Variants in LRP2 observed in about 807,000 individuals in gnomAD.
The protein encoded by LRP2 is LDL receptor related protein 2, also known as low-density lipoprotein receptor-related protein 2.
In LRP2, 172 loss-of-function variants were observed where a neutral mutation model predicts 531.0. The observed-to-expected ratio is 0.32, with a 90% CI of 0.29 to 0.37. The LOEUF (loss-of-function observed/expected upper bound fraction) is 0.37, where lower values mean the gene tolerates loss of function less well. LRP2 is among the 10% of genes least tolerant of loss of function. The probability of loss-of-function intolerance (pLI) is 1.00; values close to 1 mark genes in which losing one functional copy is unlikely to be tolerated. For missense variants in LRP2, 5,167 were observed against 5,868.3 expected, an observed-to-expected ratio of 0.88 and a Z score of 3.90; for synonymous variants, 1,992 against 2,027.6, an observed-to-expected ratio of 0.98 and a Z score of 0.47.
At chr2:169,141,478 G>C (rs1200293944) in intron 71 of LRP2, among the ~76,000 whole-genome samples, 1 of 152,170 alleles carries the variant, frequency 6.6e-6, no homozygotes, top group Non-Finnish European at 1.5e-5. Context: ...AACAGTGCCT[G>C]GCACATAGCT....
chr2:169,331,085 T>TA (rs1423107135), intron 1 of LRP2, among the ~76,000 whole-genome samples: 1 of 152,038 alleles, frequency 6.6e-6, no homozygotes, highest in Non-Finnish European at 1.5e-5. Flanking sequence ...CGTCCACAGG[T>TA]CTACCCCTTC....
In LRP2 at chr2:169,168,475, G is replaced by A. The variant is rs536387127; in HGVS notation, c.11635+64C>T. ...TGCTCTCCAGGCTCACATGCTACAC[G>A]TAAGAAACAATGAGATTTGACAGAC... On this transcript the variant is annotated intron_variant, in intron 61 of 78. Transcript: ENST00000649046. The A allele has an allele frequency of 3.1e-5, 49 of 1,591,194 alleles. No individual in the cohort carries two copies. The East Asian group carries it at 6.7e-4, about 22-fold the overall frequency.
chr2:169,181,400 T>C, intron 52 of LRP2, 48 bp downstream of exon 52: 1 of 1,577,810 alleles, frequency 6.3e-7, no homozygotes, highest in Non-Finnish European at 8.7e-7. Context: ...GCTCTGATGT[T>C]TGAAATAAAC....
At chr2:169,143,666 CA>C (rs932023351) in intron 70 of LRP2, among the ~76,000 whole-genome samples, 1 of 151,960 alleles carries the variant, frequency 6.6e-6, no homozygotes, top group African/African-American at 2.4e-5. Flanking sequence ...AACAAACAAA[CA>C]AAAAAACCTA....
In LRP2 at chr2:169,156,208, G is replaced by A. The variant is rs1187542620; in HGVS notation, c.12151+66C>T. The A allele has an allele frequency of 1.6e-5, 25 of 1,597,668 alleles. No homozygotes were observed. The East Asian group carries it at 3.8e-4, about 24-fold the overall frequency. On this transcript the variant is annotated intron_variant, in intron 65 of 78. Transcript: ENST00000649046. ...ATGAGAAGCTGAAGTTTCTTTCATC[G>A]TATAGTGTACTTAGCAGTATTTATT... is the stretch of plus-strand genomic sequence containing the variant.
intron 8 of LRP2, among the ~76,000 whole-genome samples, chr2:169,289,525 C>G (rs1683945907): frequency 6.6e-6 from 1 of 151,978 alleles, no homozygotes; most frequent in Non-Finnish European, 1.5e-5. Context: ...CCACTGCACT[C>G]TAGCCTGGGT....
chr2:169,195,265 A>G (rs1013631056), intron 46 of LRP2, among the ~76,000 whole-genome samples: 10 of 152,350 alleles, frequency 6.6e-5, no homozygotes, highest in Admixed American at 6.5e-4. Flanking sequence ...CATGATGTTA[A>G]GCTTAAAAAA....
intron 50 of LRP2, among the ~76,000 whole-genome samples, chr2:169,184,335 C>T (rs1687548790): frequency 6.6e-6 from 1 of 152,174 alleles, no homozygotes; most frequent in Non-Finnish European, 1.5e-5. Context: ...CCAGCAAGCA[C>T]TCAGCACCTA....
chr2:169,163,166 G>C (rs574523113), intron 62 of LRP2, among the ~76,000 whole-genome samples: 2 of 152,306 alleles, frequency 1.3e-5, no homozygotes, highest in East Asian at 3.9e-4. Context: ...CAAAGCATTT[G>C]ATAAAGCTAT....
intron 1 of LRP2, among the ~76,000 whole-genome samples, chr2:169,360,147 A>AAGAG (rs1188079646): frequency 2.3e-5 from 1 of 44,026 alleles, no homozygotes; most frequent in African/African-American, 5.9e-5. Context: ...AAAAAAAAAA[A>AAGAG]AGAGAGAGAG....
At chr2:169,269,125 C>A (rs1683322519) in intron 16 of LRP2, among the ~76,000 whole-genome samples, 1 of 152,168 alleles carries the variant, frequency 6.6e-6, no homozygotes, top group Non-Finnish European at 1.5e-5. Context: ...AATGGAAGAA[C>A]AATCCATGCT....
Position 169,191,761 on chromosome 2 carries a change from T to C in LRP2, c.9032+71A>G, listed in dbSNP as rs1465724747. The C allele has an allele frequency of 4.1e-5, 55 of 1,352,062 alleles. No homozygotes were observed. The East Asian group carries it at 1.1e-3, about 27-fold the overall frequency. 83.8% of individuals were successfully genotyped at this position (1,352,062 alleles called of 1,614,324 possible). ...CTGGGCACTGTGGCCACGGGGTGCC[T>C]GATAGGTAAGTGAGCCCAGCCCCCA... On this transcript the variant is annotated intron_variant, in intron 48 of 78. Transcript: ENST00000649046.
intron 9 of LRP2, among the ~76,000 whole-genome samples, chr2:169,283,800 C>A (rs921333133): frequency 1.3e-5 from 2 of 152,134 alleles, no homozygotes; most frequent in Admixed American, 6.5e-5. Flanking sequence ...TGTTCATTAC[C>A]AGAGAAGTCC....
chr2:169,261,078 A>T (rs556209483), intron 16 of LRP2, among the ~76,000 whole-genome samples: 1 of 152,186 alleles, frequency 6.6e-6, no homozygotes, highest in East Asian at 1.9e-4. Context: ...TCAGTGAGAA[A>T]TGTGGAAGAA....
intron 12 of LRP2, 26 bp downstream of exon 12, chr2:169,279,345 GA>G: frequency 6.5e-7 from 1 of 1,527,504 alleles, no homozygotes; most frequent in African/African-American, 1.4e-5. Flanking sequence ...AAAAATACAG[GA>G]ATCAATATGT....
At chr2:169,327,531 A>G (rs1574261467) in intron 1 of LRP2, among the ~76,000 whole-genome samples, 2 of 97,058 alleles carry the variant, frequency 2.1e-5, no homozygotes, top group Admixed American at 1.0e-4. Flanking sequence ...TCCGGGAGGG[A>G]GGTGGGGTCA....
rs1230030414 is a variant in LRP2 at position 169,127,554 on chromosome 2, A to AAAC, written c.*1108_*1109insGTT. 6.6e-6 allele frequency: 1 copy of AAAC among 151,926 alleles called. No individual in the cohort carries two copies. The highest frequency in any genetic ancestry group is 2.4e-5 in the African/African-American group (1 of 41,238). The allele number at this position is 151,926 out of a possible 1,614,324, so 9.4% of individuals were successfully genotyped here. ...TCTCTAAAAAAAAAAAAAAAAAAAAAACCAATAAGAATTAAAGAAAAGATC... is the reference window on the plus strand; with the variant it reads ...TCTCTAAAAAAAAAAAAAAAAAAAAAAACACCAATAAGAATTAAAGAAAAGATC... On this transcript the variant is annotated 3_prime_UTR_variant, in exon 79 of 79. Coordinates refer to ENST00000649046, the MANE Select transcript of LRP2 (RefSeq NM_004525.3).
At chr2:169,134,556 C>T (rs544429186) in intron 76 of LRP2, among the ~76,000 whole-genome samples, 1 of 152,282 alleles carries the variant, frequency 6.6e-6, no homozygotes, top group South Asian at 2.1e-4. Context: ...GCCTAATCGC[C>T]ACTCACCAGC....
At chr2:169,164,757 G>A (rs1028914353) in intron 62 of LRP2, among the ~76,000 whole-genome samples, 1 of 152,202 alleles carries the variant, frequency 6.6e-6, no homozygotes, top group East Asian at 1.9e-4. Context: ...GTGACTGGTA[G>A]TGGTCTCCCA....
Sources: gnomAD v4.1 joint callset for allele counts (sites outside exome capture counted in the v4.1 genomes callset) on GRCh38, gnomAD v4.1.1 for gene constraint, MANE v1.5 for transcripts, NCBI Gene and HGNC (gene_info 2026-07-23, HGNC 2026-07-21) for gene names.